The following SLC28A1 variants were observed in gnomAD, a reference collection of about 807,000 sequenced individuals.
The protein encoded by SLC28A1 is sodium/nucleoside cotransporter 1.
In SLC28A1, 64 loss-of-function variants were observed where a neutral mutation model predicts 74.8. The observed-to-expected ratio is 0.86, with a 90% CI of 0.70 to 1.05. The LOEUF is 1.05. Ranked by LOEUF, SLC28A1 falls within the 50% of genes least tolerant of loss-of-function variation. The probability of loss-of-function intolerance (pLI) is 0.00; values close to 1 mark genes in which losing one functional copy is unlikely to be tolerated. For synonymous variants in SLC28A1, 359 were observed against 335.0 expected (o/e 1.07, Z -0.78); for missense variants, 828 against 822.8 (o/e 1.01, Z -0.08).
At chr15:84,975,272 C>T in the SLC28A1 span, among the ~76,000 whole-genome samples, 3 of 152,176 alleles carry the variant, frequency 2.0e-5, no homozygotes, top group African/African-American at 4.8e-5. Context: ...AGAACTGTTT[C>T]GTCTTAATGA....
At chr15:84,886,324 A>C in intron 1 of SLC28A1, 3 of 985,340 alleles carry the variant, frequency 3.0e-6, no homozygotes, top group Non-Finnish European at 3.6e-6. Context: ...ATGCAAAATG[A>C]AAGATAAAAT....
chr15:84,896,138 T>C (rs1371276969), intron 6 of SLC28A1: 1 of 189,466 alleles, frequency 5.3e-6, no homozygotes, highest in Non-Finnish European at 9.8e-6. Context: ...TAAACTGGAC[T>C]TCATAAAAGC....
At position 84,922,034 on chromosome 15, in the gene SLC28A1, G is replaced by A. The variant is rs1385307632; in HGVS notation, c.957+965G>A. Among the ~76,000 whole-genome samples the A allele has an allele frequency of 3.3e-5, 5 of 152,166 alleles. No homozygotes were observed. In the East Asian group the frequency reaches 5.8e-4, roughly 18 times the overall value. ...TGTTGATTAAGCTGACCTAGATGCC[G>A]GGGTCTACGCCTCATTTCCCCCAAG... On this transcript the variant is annotated intron_variant, in intron 11 of 18. Transcript: ENST00000394573.
chr15:84,905,457 T>C, intron 7 of SLC28A1, 82 bp from the exon 8 acceptor site: 1 of 945,458 alleles, frequency 1.1e-6, no homozygotes, highest in South Asian at 1.3e-5. Context: ...GGCAGGGCAA[T>C]GCCCCCTGCT....
chr15:84,928,461 T>C (rs1189719657), intron 12 of SLC28A1, among the ~76,000 whole-genome samples: 1 of 151,866 alleles, frequency 6.6e-6, no homozygotes, highest in Non-Finnish European at 1.5e-5. Flanking sequence ...TCTTTGGCTC[T>C]GCCCTCAGCC....
the SLC28A1 span, among the ~76,000 whole-genome samples, chr15:84,966,853 G>A: frequency 2.0e-5 from 3 of 152,150 alleles, no homozygotes; most frequent in African/African-American, 7.2e-5. Flanking sequence ...TGAGATTTGG[G>A]TGGGGACACA....
intron 15 of SLC28A1, among the ~76,000 whole-genome samples, chr15:84,935,951 G>GTTT (rs1262653065): frequency 1.0e-4 from 4 of 38,748 alleles, no homozygotes; most frequent in Non-Finnish European, 2.0e-4. Flanking sequence ...TTTGGTTTTT[G>GTTT]TTTTTTTTTT....
At position 84,887,794 on chromosome 15, in the gene SLC28A1, A is replaced by G. The variant is rs1421037411; in HGVS notation, c.34A>G (p.Ile12Val). Reference protein sequence around the residue: ...ENDPSRRRESISLTPVAKGLE... With the variant: ...ENDPSRRRESVSLTPVAKGLE... ...CGACCCCTCGAGACGAAGAGAGTCC[A>G]TCTCTCTCACACCTGTGGCCAAGGG... The change falls in exon 3 of 19, where the codon ATC (isoleucine) becomes GTC (valine). Residue 12 changes from isoleucine (I) to valine (V), a missense_variant. Transcript: ENST00000394573. 27 of 1,614,040 alleles carry G rather than the reference A, an allele frequency of 1.7e-5. No individual in the cohort carries two copies. Among genetic ancestry groups the G allele is most frequent in the Non-Finnish European group, 2.3e-5 (27 of 1,179,910 alleles).
At chr15:84,886,462 CT>C in intron 1 of SLC28A1, 3 of 985,368 alleles carry the variant, frequency 3.0e-6, no homozygotes, top group Non-Finnish European at 3.6e-6. Flanking sequence ...AGTTTGGGAA[CT>C]GGGGAGAGGG....
intron 1 of SLC28A1, among the ~76,000 whole-genome samples, chr15:84,885,906 GT>G (rs1223117523): frequency 1.3e-5 from 2 of 152,120 alleles, no homozygotes; most frequent in African/African-American, 2.4e-5. Context: ...AAGAAAAAAT[GT>G]TTTCAAAAAG....
In SLC28A1 at chr15:84,908,677, C is replaced by G. The variant is rs777190206; in HGVS notation, c.718-41C>G. 5 of 1,552,196 alleles carry G rather than the reference C, an allele frequency of 3.2e-6. No individual in the cohort carries two copies. In the African/African-American group the frequency reaches 6.8e-5, roughly 21 times the overall value. ...TGCTTCCTCCCTCCTCCCTTCCCAG[C>G]CTCACTGCCTGTTTTTGTTTGTTTT... On this transcript the variant is annotated intron_variant, in intron 8 of 18. Coordinates refer to ENST00000394573, the MANE Select transcript of SLC28A1 (RefSeq NM_004213.5).
chr15:84,920,244 G>A (rs1194191513), intron 10 of SLC28A1, among the ~76,000 whole-genome samples: 1 of 152,168 alleles, frequency 6.6e-6, no homozygotes, highest in African/African-American at 2.4e-5. Flanking sequence ...TCAGGAGTTC[G>A]AGACCAGTCT....
chr15:84,935,370 C>A lies in SLC28A1; in HGVS notation c.1433C>A (p.Ala478Glu). 6.2e-7 allele frequency: 1 copy of A among 1,614,186 alleles called. No individual in the cohort carries two copies. The highest frequency in any genetic ancestry group is 8.5e-7 in the Non-Finnish European group (1 of 1,180,038). ...CCTGTAGCCTTCTTGATGGGTGTGG[C>A]GTGGGAGGACTGCCCAGTGGTAGCT... The part of the protein sequence containing the change: ...LRPVAFLMGV[A>E]WEDCPVVAEL... The change falls in exon 15 of 19, where the codon GCG (alanine) becomes GAG (glutamate). Residue 478 changes from alanine to glutamate, a missense_variant. Ala to Glu is a moderately radical substitution (Grantham distance 107, BLOSUM62 -1). Coordinates refer to ENST00000394573, the MANE Select transcript of SLC28A1 (RefSeq NM_004213.5).
the SLC28A1 span, among the ~76,000 whole-genome samples, chr15:84,958,732 C>A: frequency 2.0e-5 from 3 of 151,854 alleles, no homozygotes; most frequent in African/African-American, 7.3e-5. Flanking sequence ...TTTAAAATTT[C>A]TTTTATAGAG....
At chr15:84,972,791 C>T in the SLC28A1 span, among the ~76,000 whole-genome samples, 1 of 152,204 alleles carries the variant, frequency 6.6e-6, no homozygotes, top group African/African-American at 2.4e-5. Flanking sequence ...ATAACAAATG[C>T]CCCCATGAAT....
chr15:84,957,354 C>A, the SLC28A1 span, among the ~76,000 whole-genome samples: 2 of 152,202 alleles, frequency 1.3e-5, no homozygotes, highest in South Asian at 4.1e-4. Context: ...GCAACCTCTG[C>A]CTCCTGGGTT....
intron 11 of SLC28A1, among the ~76,000 whole-genome samples, chr15:84,922,064 A>AG (rs1969892766): frequency 6.6e-6 from 1 of 152,058 alleles, no homozygotes; most frequent in Non-Finnish European, 1.5e-5. Context: ...CCCAAGAGGG[A>AG]GGGATGGGGA....
At chr15:84,924,257 C>T (rs930362578) in intron 12 of SLC28A1, 147 bp downstream of exon 12, 138 of 1,004,372 alleles carry the variant, frequency 1.4e-4, no homozygotes, top group Middle Eastern at 2.8e-4. Flanking sequence ...TCCCCTGAGC[C>T]CAGTGGGCTG....
intron 9 of SLC28A1, among the ~76,000 whole-genome samples, chr15:84,916,240 C>CAGGGGTGAGCCACCATGCCTGGCCTT (rs1555449976): frequency 1.0e-5 from 1 of 98,422 alleles, no homozygotes; most frequent in Non-Finnish European, 1.9e-5. Context: ...GCTGGGATTA[C>CAGGGGTGAGCCACCATGCCTGGCCTT]TTTTTTTTTT....
Sources: allele counts gnomAD v4.1 joint callset (sites outside exome capture counted in the v4.1 genomes callset), GRCh38; gene constraint gnomAD v4.1.1; transcripts MANE v1.5; gene names NCBI Gene and HGNC (gene_info 2026-07-23, HGNC 2026-07-21).